The following CPNE5 variants were observed in gnomAD, a reference collection of about 807,000 sequenced individuals.
CPNE5 encodes copine-5.
CPNE5 carries 42 observed loss-of-function variants against 81.1 expected under a neutral mutation model. That is an observed-to-expected ratio of 0.52 (90% CI 0.40 to 0.67). The LOEUF (loss-of-function observed/expected upper bound fraction) is 0.67. CPNE5 is among the 30% of genes least tolerant of loss of function. The pLI is 0.00. For missense variants in CPNE5, 612 were observed against 815.5 expected, an observed-to-expected ratio of 0.75 and a Z score of 3.04; for synonymous variants, 313 against 321.5, an observed-to-expected ratio of 0.97 and a Z score of 0.28.
chr6:36,823,010 T>C (rs1024877612), intron 2 of CPNE5, 48 bp downstream of exon 2: 2 of 1,484,984 alleles, frequency 1.3e-6, no homozygotes, highest in Non-Finnish European at 1.8e-6. Flanking sequence ...TAATTAGTCA[T>C]AGCGTTGCCG....
intron 20 of CPNE5, chr6:36,743,069 G>T: frequency 1.0e-6 from 1 of 985,364 alleles, no homozygotes. Flanking sequence ...CCCTATGTTT[G>T]GTCTCCACAC....
intron 3 of CPNE5, among the ~76,000 whole-genome samples, chr6:36,813,123 A>G (rs894346960): frequency 2.0e-5 from 3 of 152,152 alleles, no homozygotes; most frequent in African/African-American, 7.2e-5. Flanking sequence ...AAACCTCCAC[A>G]AGACTGCAAA....
At chr6:36,835,752 C>T (rs900578349) in intron 1 of CPNE5, among the ~76,000 whole-genome samples, 16 of 151,606 alleles carry the variant, frequency 1.1e-4, no homozygotes, top group Non-Finnish European at 1.6e-4. Context: ...GCTGAGATCG[C>T]GCCTTTGCAC....
At chr6:36,805,426 G>T (rs1204552480) in intron 3 of CPNE5, among the ~76,000 whole-genome samples, 1 of 152,256 alleles carries the variant, frequency 6.6e-6, no homozygotes, top group Non-Finnish European at 1.5e-5. Flanking sequence ...TACTGGGAGT[G>T]GGGGATCCTC....
chr6:36,803,875 G>A (rs1770352107), intron 3 of CPNE5, among the ~76,000 whole-genome samples: 1 of 152,118 alleles, frequency 6.6e-6, no homozygotes, highest in African/African-American at 2.4e-5. Flanking sequence ...CAGTGGGTGG[G>A]GCCTGAACAA....
rs972711899 is a variant in CPNE5, at chr6:36,826,135, C to CGT, written c.96-3039_96-3038dup. On this transcript the variant is annotated intron_variant, in intron 1 of 20. Transcript: ENST00000244751. The stretch of plus-strand genomic sequence containing the variant: ...GAGGCCCTGGATATCAGCCTAGATA[C>CGT]GTGTGTGTGTTTGCGTGTGTGCATG... Among the ~76,000 whole-genome samples the CGT allele has an allele frequency of 3.3e-5, 5 of 152,072 alleles. No individual in the cohort carries two copies. The East Asian group carries it at 7.7e-4, about 23-fold the overall frequency.
At chr6:36,779,453 A>G (rs1420276151) in intron 8 of CPNE5, among the ~76,000 whole-genome samples, 1 of 152,138 alleles carries the variant, frequency 6.6e-6, no homozygotes, top group African/African-American at 2.4e-5. Flanking sequence ...TGCAAGCCCC[A>G]AAGCCCTCTC....
chr6:36,781,405 G>A (rs908751246), intron 8 of CPNE5, among the ~76,000 whole-genome samples: 29 of 88,956 alleles, frequency 3.3e-4, no homozygotes, highest in African/African-American at 1.5e-3. Context: ...AATAACTCTT[G>A]TTTCCCTATT....
At chr6:36,745,292 C>T (rs1012154517) in intron 17 of CPNE5, 96 bp downstream of exon 17, 81 of 1,476,036 alleles carry the variant, frequency 5.5e-5, no homozygotes, top group Admixed American at 8.1e-5. Flanking sequence ...AAGGCAAGTG[C>T]GTGGGAAGAG....
chr6:36,833,178 T>C (rs1773111179), intron 1 of CPNE5, among the ~76,000 whole-genome samples: 1 of 152,156 alleles, frequency 6.6e-6, no homozygotes, highest in African/African-American at 2.4e-5. Flanking sequence ...GGAATAGGAG[T>C]TGGATCCCTC....
In CPNE5 at chr6:36,792,023, T is replaced by C. The variant is rs746283219; in HGVS notation, c.528+10A>G. On this transcript the variant is annotated intron_variant, in intron 8 of 20. Coordinates refer to ENST00000244751, the MANE Select transcript of CPNE5 (RefSeq NM_020939.2). Reference sequence around the variant, plus strand: ...AACCACGTCCTGTGCTGGAGTCCTCTGCCACTCACCCTACAGTTGCTGAGC... The same window carrying C: ...AACCACGTCCTGTGCTGGAGTCCTCCGCCACTCACCCTACAGTTGCTGAGC... 6.2e-7 allele frequency: 1 copy of C among 1,613,420 alleles called. No individual in the cohort carries two copies. The highest frequency in any genetic ancestry group is 1.1e-5 in the South Asian group (1 of 91,066).
At chr6:36,763,188 C>T (rs1343019320) in intron 11 of CPNE5, among the ~76,000 whole-genome samples, 196 bp from the exon 12 acceptor site, 1 of 152,188 alleles carries the variant, frequency 6.6e-6, no homozygotes, top group Admixed American at 6.5e-5. Context: ...CCAATTGTCA[C>T]CCAGTAAAGA....
intron 7 of CPNE5, among the ~76,000 whole-genome samples, chr6:36,793,963 G>A (rs755556054): frequency 2.6e-5 from 4 of 152,188 alleles, no homozygotes; most frequent in Non-Finnish European, 2.9e-5. Context: ...CTCCCCAACC[G>A]GGAAAGAAGG....
At chr6:36,743,155 A>G (rs1236265220) in intron 20 of CPNE5, 9 of 985,392 alleles carry the variant, frequency 9.1e-6, no homozygotes, top group Non-Finnish European at 1.1e-5. Flanking sequence ...TCTCCTAAGC[A>G]CTAGGGCCTC....
At chr6:36,768,225 C>CTTTTTTTCTTTTTTTCTT (rs527797208) in intron 10 of CPNE5, among the ~76,000 whole-genome samples, 2 of 60,496 alleles carry the variant, frequency 3.3e-5, no homozygotes, top group Non-Finnish European at 6.1e-5. Flanking sequence ...ATTCACAGTT[C>CTTTTTTTCTTTTTTTCTT]TTTTTTTTTT....
rs1766561173 is a variant in CPNE5, at chr6:36,766,320, C to T, written c.738-944G>A. On this transcript the variant is annotated intron_variant, in intron 10 of 20. Transcript: ENST00000244751. The surrounding 1 kb of genome is among the most constrained non-coding windows in gnomAD (Gnocchi z 4.2). ...GAGTCAGCCTTGGGCTTCTGTGGCC[C>T]CTCCAGGAGGAGGCGCTGTCTCCTT... Among the ~76,000 whole-genome samples, 1 of 152,194 alleles carries T rather than the reference C, an allele frequency of 6.6e-6. No individual in the cohort carries two copies. Among genetic ancestry groups the T allele is most frequent in the South Asian group, 2.1e-4 (1 of 4,830 alleles).
chr6:36,750,500 G>A (rs556883493), intron 14 of CPNE5, among the ~76,000 whole-genome samples: 1 of 152,300 alleles, frequency 6.6e-6, no homozygotes, highest in Non-Finnish European at 1.5e-5. Flanking sequence ...GAGCCGCAAA[G>A]CTAGCAAGAA....
At chr6:36,805,957 A>T (rs1197385628) in intron 3 of CPNE5, among the ~76,000 whole-genome samples, 1 of 152,214 alleles carries the variant, frequency 6.6e-6, no homozygotes. Context: ...ACTCTGCTAC[A>T]CGTGACAGCT....
chr6:36,756,897 G>A (rs551193953), intron 12 of CPNE5, among the ~76,000 whole-genome samples: 56 of 152,366 alleles, frequency 3.7e-4, no homozygotes, highest in Admixed American at 3.1e-3. Context: ...GGTGCTCAGA[G>A]AAGGCTTGTT....
Sources: gnomAD v4.1 joint callset for allele counts (sites outside exome capture counted in the v4.1 genomes callset) on GRCh38, gnomAD v4.1.1 for gene constraint, Gnocchi (gnomAD v3.1) non-coding constraint, MANE v1.5 for transcripts, NCBI Gene and HGNC (gene_info 2026-07-23, HGNC 2026-07-21) for gene names.